The following RALY variants were observed in gnomAD, a reference collection of about 807,000 sequenced individuals.
The protein encoded by RALY is RALY heterogeneous nuclear ribonucleoprotein, also known as RNA-binding protein Raly.
RALY carries 15 observed loss-of-function variants against 30.7 expected under a neutral mutation model. That is an observed-to-expected ratio of 0.49 (90% CI 0.33 to 0.75). The LOEUF (loss-of-function observed/expected upper bound fraction) is 0.75. Ranked by LOEUF, RALY falls within the 30% of genes least tolerant of loss-of-function variation. RALY has a pLI of 0.02. For synonymous variants in RALY, 177 were observed against 170.8 expected (o/e 1.04, Z -0.28); for missense variants, 339 against 414.3 (o/e 0.82, Z 1.58).
chr20:34,009,418 A>G (rs890232934), intron 1 of RALY, among the ~76,000 whole-genome samples: 19 of 152,006 alleles, frequency 1.2e-4, no homozygotes, highest in South Asian at 1.2e-3. Context: ...TTGTATTTTT[A>G]GTAGAGACAG....
At chr20:34,063,642 A>G (rs374751264) in intron 2 of RALY, among the ~76,000 whole-genome samples, 58 of 152,354 alleles carry the variant, frequency 3.8e-4, no homozygotes, top group African/African-American at 1.3e-3. Context: ...GTATGCATCT[A>G]TCCAGGGAAG....
intron 1 of RALY, among the ~76,000 whole-genome samples, chr20:34,011,691 C>A (rs1320682034): frequency 6.6e-6 from 1 of 152,300 alleles, no homozygotes; most frequent in South Asian, 2.1e-4. Context: ...CTACCATATC[C>A]CTTCTCGTTG....
intron 2 of RALY, among the ~76,000 whole-genome samples, chr20:34,066,169 C>CT (rs200689368): frequency 0.063 from 7,964 of 126,456 alleles, 283 homozygotes; most frequent in Non-Finnish European, 0.076. Flanking sequence ...TGCTGATCCT[C>CT]TTTTTTTTTT....
chr20:34,042,837 C>T (rs1156379378), intron 2 of RALY, among the ~76,000 whole-genome samples: 4 of 152,184 alleles, frequency 2.6e-5, no homozygotes, highest in Admixed American at 1.3e-4. Flanking sequence ...GGGCCCTAAT[C>T]GTTTGTGAAG....
At position 34,077,099 on chromosome 20, in the gene RALY, A is replaced by AGTGGTG. The variant is rs752734298; in HGVS notation, c.735_740dup (p.Gly250_Gly251dup). ...TGGTGGTGGCAGCGGTGGCGGTGGCAGTGGTGGTGGCGGTGGCGGTGGCAG... is the reference window on the plus strand; with the variant it reads ...TGGTGGTGGCAGCGGTGGCGGTGGCAGTGGTGGTGGTGGTGGCGGTGGCGGTGGCAG... On this transcript the variant is annotated inframe_insertion, in exon 8 of 10. Transcript: ENST00000246194. 3 of 1,604,960 alleles carry AGTGGTG rather than the reference A, an allele frequency of 1.9e-6. No individual in the cohort carries two copies. Among genetic ancestry groups the AGTGGTG allele is most frequent in the South Asian group, 2.2e-5 (2 of 90,276 alleles).
At chr20:34,041,435 G>A (rs1032044099) in intron 2 of RALY, among the ~76,000 whole-genome samples, 1 of 152,238 alleles carries the variant, frequency 6.6e-6, no homozygotes, top group African/African-American at 2.4e-5. Flanking sequence ...AGGGGCTAGA[G>A]TCCAAATCTT....
chr20:34,017,474 C>G (rs1296835458), intron 1 of RALY: 4 of 152,216 alleles, frequency 2.6e-5, no homozygotes, highest in Non-Finnish European at 5.9e-5. Flanking sequence ...TGGAGCTGTT[C>G]AAAGACTGGA....
chr20:34,009,561 C>T (rs1225287159), intron 1 of RALY, among the ~76,000 whole-genome samples: 1 of 152,136 alleles, frequency 6.6e-6, no homozygotes, highest in Non-Finnish European at 1.5e-5. Flanking sequence ...TATATTGTGA[C>T]TCCTTGTACA....
chr20:34,055,745 A>G (rs993956465), intron 2 of RALY, among the ~76,000 whole-genome samples: 1 of 152,214 alleles, frequency 6.6e-6, no homozygotes, highest in African/African-American at 2.4e-5. Context: ...TATTATATTG[A>G]TTGTTAAAAT....
At chr20:34,043,450 C>T (rs1350427053) in intron 2 of RALY, among the ~76,000 whole-genome samples, 1 of 152,226 alleles carries the variant, frequency 6.6e-6, no homozygotes, top group Non-Finnish European at 1.5e-5. Flanking sequence ...TATCAACTCA[C>T]TTGCCACTCC....
intron 2 of RALY, among the ~76,000 whole-genome samples, chr20:34,057,331 T>C (rs2033276224): frequency 1.3e-5 from 2 of 152,130 alleles, no homozygotes; most frequent in South Asian, 4.1e-4. Context: ...ATACTCAATA[T>C]AATAGCACAA....
intron 1 of RALY, among the ~76,000 whole-genome samples, chr20:34,006,819 T>A (rs1176515712): frequency 2.0e-5 from 3 of 152,232 alleles, no homozygotes; most frequent in Admixed American, 1.3e-4. Context: ...AAGTGCACAC[T>A]GGTGTTTGCA....
intron 1 of RALY, among the ~76,000 whole-genome samples, chr20:34,015,325 A>C (rs746017102): frequency 6.6e-6 from 1 of 151,186 alleles, no homozygotes; most frequent in Non-Finnish European, 1.5e-5. Flanking sequence ...TTTCTTCTCA[A>C]TATTTCCCCC....
intron 1 of RALY, among the ~76,000 whole-genome samples, chr20:34,016,997 C>T (rs1429322139): frequency 6.6e-6 from 1 of 152,258 alleles, no homozygotes. Flanking sequence ...TCTGGTTACA[C>T]TTGTCAATAC....
chr20:34,057,791 G>A (rs2033296563), intron 2 of RALY, among the ~76,000 whole-genome samples: 1 of 152,148 alleles, frequency 6.6e-6, no homozygotes, highest in Admixed American at 6.5e-5. Context: ...GAGAGAGGGG[G>A]GCTACATTCT....
chr20:34,019,770 T>C (rs939014794), intron 1 of RALY, among the ~76,000 whole-genome samples: 2 of 152,108 alleles, frequency 1.3e-5, no homozygotes, highest in African/African-American at 4.8e-5. Context: ...ATTCGGTAGA[T>C]AGGAAGCTTG....
chr20:34,028,983 G>A (rs1199425762), intron 1 of RALY, among the ~76,000 whole-genome samples: 1 of 152,130 alleles, frequency 6.6e-6, no homozygotes, highest in Non-Finnish European at 1.5e-5. Context: ...GCAGGGAAGT[G>A]TCATTAGGAC....
intron 1 of RALY, among the ~76,000 whole-genome samples, chr20:34,004,391 T>C (rs1361183375): frequency 6.6e-6 from 1 of 152,252 alleles, no homozygotes; most frequent in Non-Finnish European, 1.5e-5. Flanking sequence ...CACCCAGTTA[T>C]CTTTTCTCAA....
chr20:34,073,733 G>A, intron 4 of RALY, 86 bp from the exon 5 acceptor site: 1 of 1,549,160 alleles, frequency 6.5e-7, no homozygotes, highest in Non-Finnish European at 8.9e-7. Context: ...TCTAGAACTT[G>A]GGGAGGTGTC....
Sources: gnomAD v4.1 joint callset for allele counts (sites outside exome capture counted in the v4.1 genomes callset) on GRCh38, gnomAD v4.1.1 for gene constraint, MANE v1.5 for transcripts, NCBI Gene and HGNC (gene_info 2026-07-23, HGNC 2026-07-21) for gene names.